The following DTD1 variants were observed in gnomAD, a reference collection of about 807,000 sequenced individuals.
DTD1 encodes the protein D-aminoacyl-tRNA deacylase 1.
Under a neutral mutation model 25.6 loss-of-function variants are expected in DTD1, and 13 were observed. The ratio of observed to expected loss-of-function variants is 0.51; its 90% confidence interval spans 0.33 to 0.81. The LOEUF is 0.81. Among genes scored for constraint, DTD1 ranks in the 30% least tolerant of loss-of-function variants. DTD1 has a pLI of 0.02. For missense variants in DTD1, 193 were observed against 266.4 expected (o/e 0.72, Z 1.92); for synonymous variants, 110 against 103.6 (o/e 1.06, Z -0.37).
intron 4 of DTD1, among the ~76,000 whole-genome samples, chr20:18,723,183 C>G (rs1380243248): frequency 6.6e-6 from 1 of 152,204 alleles, no homozygotes. Context: ...CCTCTGCCCA[C>G]TGGGTACCAG....
chr20:18,751,161 C>T (rs1438641234), intron 5 of DTD1, among the ~76,000 whole-genome samples: 1 of 152,116 alleles, frequency 6.6e-6, no homozygotes, highest in Admixed American at 6.5e-5. Context: ...GGACTCCTTT[C>T]ATTCTCTGAG....
rs1568660571 is a variant in DTD1 at position 18,658,188 on chromosome 20, G to GGTGTGT, written c.477+29955_477+29956insGTGTGT. Among the ~76,000 whole-genome samples, 19 of 105,092 alleles carry GGTGTGT rather than the reference G, an allele frequency of 1.8e-4. 1 individual carries two copies. 68.9% of individuals were successfully genotyped at this position (105,092 alleles called of 152,430 possible). A position where few individuals can be genotyped will look rare whatever the true frequency, so the allele number is the denominator to read the frequency against. ...CTAGGCAGAGGGCATAAGAGTCTGA[G>GGTGTGT]ATGTGTGTGTGTGTGTGTGTGTGTG... is the stretch of plus-strand genomic sequence containing the variant. On this transcript the variant is annotated intron_variant, in intron 4 of 5. Transcript: ENST00000377452.
chr20:18,649,783 G>T (rs2328327), intron 4 of DTD1, among the ~76,000 whole-genome samples: 118,356 of 152,084 alleles, frequency 0.78, 46,731 homozygotes, highest in Non-Finnish European at 0.85. Flanking sequence ...CACCCAGCGC[G>T]GTGCTCATGG....
intron 4 of DTD1, among the ~76,000 whole-genome samples, chr20:18,738,011 A>G (rs1267029136): frequency 6.6e-6 from 1 of 152,158 alleles, no homozygotes; most frequent in African/African-American, 2.4e-5. Flanking sequence ...AATACACATC[A>G]AGTGCTTAGA....
At chr20:18,608,369 A>G (rs1202888010) in intron 3 of DTD1, among the ~76,000 whole-genome samples, 4 of 125,520 alleles carry the variant, frequency 3.2e-5, no homozygotes, top group African/African-American at 1.1e-4. Flanking sequence ...TTTGTGCTCT[A>G]TTTTTTTTTT....
At chr20:18,748,198 C>T (rs56064243) in intron 5 of DTD1, among the ~76,000 whole-genome samples, 1 of 141,080 alleles carries the variant, frequency 7.1e-6, no homozygotes, top group African/African-American at 2.6e-5. Flanking sequence ...CACACACACA[C>T]AAATACAAAT....
At chr20:18,722,884 A>G (rs2061209782) in intron 4 of DTD1, among the ~76,000 whole-genome samples, 1 of 152,244 alleles carries the variant, frequency 6.6e-6, no homozygotes, top group Non-Finnish European at 1.5e-5. Context: ...AAATCTGAAA[A>G]CACTGTCTTA....
intron 3 of DTD1, among the ~76,000 whole-genome samples, chr20:18,597,372 TATA>T (rs1215293928): frequency 7.9e-5 from 12 of 152,222 alleles, no homozygotes; most frequent in Non-Finnish European, 1.5e-4. Flanking sequence ...TTTATTAAGA[TATA>T]ATACACATAC....
chr20:18,679,913 G>A (rs979273143), intron 4 of DTD1, among the ~76,000 whole-genome samples: 1 of 152,202 alleles, frequency 6.6e-6, no homozygotes, highest in African/African-American at 2.4e-5. Flanking sequence ...TGGGGATGCA[G>A]TAACAGCTGG....
intron 4 of DTD1, among the ~76,000 whole-genome samples, chr20:18,735,725 G>A (rs1160323119): frequency 2.0e-5 from 3 of 152,180 alleles, no homozygotes; most frequent in Non-Finnish European, 4.4e-5. Context: ...TAAGTCTTGA[G>A]TTGAGTTGAG....
chr20:18,598,163 A>C (rs1012571825), intron 3 of DTD1, among the ~76,000 whole-genome samples: 2 of 151,328 alleles, frequency 1.3e-5, no homozygotes, highest in Non-Finnish European at 2.9e-5. Flanking sequence ...CCACCCCTCA[A>C]CAGGTCCCGG....
intron 5 of DTD1, among the ~76,000 whole-genome samples, chr20:18,753,793 G>A (rs534826634): frequency 2.0e-5 from 3 of 151,892 alleles, no homozygotes; most frequent in East Asian, 3.9e-4. Context: ...CTTTCCATTC[G>A]TAATTAGGAA....
chr20:18,704,258 C>T (rs2061117108), intron 4 of DTD1, among the ~76,000 whole-genome samples: 1 of 152,152 alleles, frequency 6.6e-6, no homozygotes, highest in Non-Finnish European at 1.5e-5. Context: ...CCTCGGCCTC[C>T]CAAAGTGCTG....
At chr20:18,761,035 A>T (rs56216227) in intron 5 of DTD1, among the ~76,000 whole-genome samples, 15,507 of 152,256 alleles carry the variant, frequency 0.1, 1,043 homozygotes, top group Non-Finnish European at 0.15. Flanking sequence ...CCTCAGAGCC[A>T]TGCGCGGGAT....
chr20:18,697,210 C>T (rs6136474), intron 4 of DTD1, among the ~76,000 whole-genome samples: 5 of 149,536 alleles, frequency 3.3e-5, no homozygotes, highest in East Asian at 2.0e-4. Context: ...CCAGTCTGGG[C>T]GACAGAGTGA....
At chr20:18,734,708 G>A (rs1446242331) in intron 4 of DTD1, among the ~76,000 whole-genome samples, 1 of 152,236 alleles carries the variant, frequency 6.6e-6, no homozygotes, top group Non-Finnish European at 1.5e-5. Context: ...ACAGCTGGTT[G>A]TGTTTATCTC....
At chr20:18,653,613 A>C (rs774969849) in intron 4 of DTD1, among the ~76,000 whole-genome samples, 1 of 152,264 alleles carries the variant, frequency 6.6e-6, no homozygotes, top group Non-Finnish European at 1.5e-5. Context: ...ATACTTGTTT[A>C]ACAATTAGAC....
chr20:18,646,325 C>G (rs1182511730), intron 4 of DTD1, among the ~76,000 whole-genome samples: 1 of 152,210 alleles, frequency 6.6e-6, no homozygotes, highest in Non-Finnish European at 1.5e-5. Context: ...GCTGTGCACA[C>G]ACCTTCCCAT....
At chr20:18,649,757 C>T (rs533139424) in intron 4 of DTD1, among the ~76,000 whole-genome samples, 2 of 152,272 alleles carry the variant, frequency 1.3e-5, no homozygotes, top group East Asian at 3.9e-4. Context: ...CGCTGAACCC[C>T]CATGCGTTGT....
Sources: gnomAD v4.1 joint callset for allele counts (sites outside exome capture counted in the v4.1 genomes callset) on GRCh38, gnomAD v4.1.1 for gene constraint, MANE v1.5 for transcripts, NCBI Gene and HGNC (gene_info 2026-07-23, HGNC 2026-07-21) for gene names.